Variants in NRXN1 observed in about 807,000 individuals in gnomAD.
NRXN1 encodes the protein neurexin 1, also known as neurexin-1.
Under a neutral mutation model 150.9 loss-of-function variants are expected in NRXN1, and 39 were observed. That is an observed-to-expected ratio of 0.26 (90% confidence interval 0.20 to 0.34). The LOEUF (loss-of-function observed/expected upper bound fraction) is 0.34, where lower values mean the gene tolerates loss of function less well. Ranked by LOEUF, NRXN1 falls within the 10% of genes least tolerant of loss-of-function variation. NRXN1 has a pLI of 1.00. For missense variants in NRXN1, 1,815 were observed against 1,949.9 expected (o/e 0.93, Z 1.30); for synonymous variants, 924 against 757.0 (o/e 1.22, Z -3.62).
intron 18 of NRXN1, among the ~76,000 whole-genome samples, chr2:50,204,640 C>A (rs1417062255): frequency 6.6e-6 from 1 of 151,906 alleles, no homozygotes; most frequent in Non-Finnish European, 1.5e-5. Context: ...ATATGGCTTG[C>A]CATTTGGTTG....
At chr2:51,014,370 G>A (rs1465529163) in intron 2 of NRXN1, among the ~76,000 whole-genome samples, 1 of 152,016 alleles carries the variant, frequency 6.6e-6, no homozygotes, top group African/African-American at 2.4e-5. Flanking sequence ...GATAATTGAA[G>A]AGGATGCTAA....
At chr2:50,301,967 T>C (rs866764002) in intron 17 of NRXN1, among the ~76,000 whole-genome samples, 3 of 152,154 alleles carry the variant, frequency 2.0e-5, no homozygotes, top group Non-Finnish European at 4.4e-5. Context: ...CCTTAACTAA[T>C]AGGCCTCTCG....
At chr2:50,083,069 T>A (rs1319617672) in intron 19 of NRXN1, among the ~76,000 whole-genome samples, 3 of 152,202 alleles carry the variant, frequency 2.0e-5, no homozygotes, top group Admixed American at 6.5e-5. Context: ...AATTATCAAA[T>A]TGGCCCTGTG....
At chr2:50,813,088 G>T (rs1185943377) in intron 5 of NRXN1, among the ~76,000 whole-genome samples, 2 of 151,964 alleles carry the variant, frequency 1.3e-5, no homozygotes, top group African/African-American at 2.4e-5. Context: ...CAGCTACATG[G>T]GAGGCTGAGT....
intron 17 of NRXN1, among the ~76,000 whole-genome samples, chr2:50,268,871 C>T (rs1346962401): frequency 6.6e-6 from 1 of 152,124 alleles, no homozygotes; most frequent in Admixed American, 6.6e-5. Flanking sequence ...CTTCTTTGTG[C>T]CTCTGAGTTG....
At chr2:50,142,212 CA>C in intron 18 of NRXN1, among the ~76,000 whole-genome samples, 1 of 151,856 alleles carries the variant, frequency 6.6e-6, no homozygotes, top group Non-Finnish European at 1.5e-5. Flanking sequence ...CACAGATAGA[CA>C]AATATCACAT....
At chr2:50,523,004 G>A (rs2092838893) in intron 12 of NRXN1, among the ~76,000 whole-genome samples, 1 of 151,818 alleles carries the variant, frequency 6.6e-6, no homozygotes, top group South Asian at 2.1e-4. Flanking sequence ...CAAACTGCTG[G>A]GATTACAGGC....
At chr2:50,181,386 C>G (rs1448032300) in intron 18 of NRXN1, among the ~76,000 whole-genome samples, 1 of 151,940 alleles carries the variant, frequency 6.6e-6, no homozygotes, top group East Asian at 1.9e-4. Context: ...TGAACATGGT[C>G]TTATAATAGG....
intron 5 of NRXN1, among the ~76,000 whole-genome samples, chr2:50,893,629 C>G (rs1424051583): frequency 6.6e-6 from 1 of 152,050 alleles, no homozygotes; most frequent in Non-Finnish European, 1.5e-5. Context: ...TTTATTGAAT[C>G]CAGAAGTTCT....
At chr2:50,658,647 C>T (rs986136559) in intron 5 of NRXN1, among the ~76,000 whole-genome samples, 3 of 151,872 alleles carry the variant, frequency 2.0e-5, no homozygotes, top group Admixed American at 1.3e-4. Flanking sequence ...TTCCTTCTAC[C>T]GATCTTCATT....
At chr2:50,494,193 G>C (rs560192409) in intron 15 of NRXN1, among the ~76,000 whole-genome samples, 1 of 152,244 alleles carries the variant, frequency 6.6e-6, no homozygotes, top group East Asian at 1.9e-4. Context: ...AATGTGTAGG[G>C]CTGTACATGC....
At chr2:50,672,077 T>C (rs1688934663) in intron 5 of NRXN1, among the ~76,000 whole-genome samples, 2 of 151,974 alleles carry the variant, frequency 1.3e-5, no homozygotes, top group Admixed American at 6.6e-5. Flanking sequence ...TGACCCATAA[T>C]ATTTAACGAT....
At chr2:50,996,313 C>T (rs756104269) in intron 2 of NRXN1, among the ~76,000 whole-genome samples, 3 of 152,046 alleles carry the variant, frequency 2.0e-5, no homozygotes, top group Non-Finnish European at 2.9e-5. Context: ...CTCATATCTG[C>T]TTCCAGGAAT....
intron 5 of NRXN1, among the ~76,000 whole-genome samples, chr2:50,626,360 TAAGTTGCCTGCGTA>T (rs1681050598): frequency 6.6e-6 from 1 of 151,810 alleles, no homozygotes; most frequent in Non-Finnish European, 1.5e-5. Flanking sequence ...GAAGATGAAG[TAAGTTGCCTGCGTA>T]AAGATGGACA....
chr2:50,470,720 G>A (rs1008509848), intron 16 of NRXN1, among the ~76,000 whole-genome samples: 90 of 151,844 alleles, frequency 5.9e-4, no homozygotes, highest in African/African-American at 2.1e-3. Context: ...TATTACAGGA[G>A]AGGCAGCAAC....
chr2:50,069,920 G>A (rs1482981705), intron 19 of NRXN1, among the ~76,000 whole-genome samples: 1 of 144,088 alleles, frequency 6.9e-6, no homozygotes, highest in Non-Finnish European at 1.5e-5. Flanking sequence ...GTGCGATCTT[G>A]GCTCACTGCA....
intron 5 of NRXN1, among the ~76,000 whole-genome samples, chr2:50,712,533 C>A (rs1375121559): frequency 1.3e-5 from 2 of 152,138 alleles, no homozygotes; most frequent in African/African-American, 4.8e-5. Flanking sequence ...CTTATATATC[C>A]TTTTGCACTT....
At chr2:50,249,400 A>G (rs1574731214) in intron 17 of NRXN1, among the ~76,000 whole-genome samples, 1 of 152,142 alleles carries the variant, frequency 6.6e-6, no homozygotes, top group African/African-American at 2.4e-5. Flanking sequence ...AAACAAATCA[A>G]CAAAAAACAA....
rs112723158 is a variant in NRXN1, at chr2:50,075,749, T to C, written c.3718+15574A>G. ...AAAAGAAAACTTTCCTGGATTGTTA[T>C]AGCTTAAGCAAAAGGCTTGGGCAAT... On this transcript the variant is annotated intron_variant, in intron 19 of 22. Transcript: ENST00000401669. 7.0e-3 allele frequency among the ~76,000 whole-genome samples: 1,061 copies of C among 151,926 alleles called. 2 individuals carry two copies. The highest frequency in any genetic ancestry group is 0.011 in the Non-Finnish European group (741 of 67,990).
Sources: allele counts gnomAD v4.1 joint callset (sites outside exome capture counted in the v4.1 genomes callset), GRCh38; gene constraint gnomAD v4.1.1; transcripts MANE v1.5; gene names NCBI Gene and HGNC (gene_info 2026-07-23, HGNC 2026-07-21).